The following AEBP2 variants were observed in gnomAD, a reference collection of about 807,000 sequenced individuals.
AEBP2 encodes the protein AE binding protein 2.
Under a neutral mutation model 50.8 loss-of-function variants are expected in AEBP2, and 10 were observed. The observed-to-expected ratio is 0.20, with a 90% CI of 0.12 to 0.33. The LOEUF (loss-of-function observed/expected upper bound fraction) is 0.33. Among genes scored for constraint, AEBP2 ranks in the 10% least tolerant of loss-of-function variants. The pLI, the probability that AEBP2 is intolerant of heterozygous loss-of-function variation, is 1.00. For missense variants in AEBP2, 570 were observed against 688.0 expected, an observed-to-expected ratio of 0.83 and a Z score of 1.92; for synonymous variants, 296 against 261.3, an observed-to-expected ratio of 1.13 and a Z score of -1.28.
intron 3 of AEBP2, among the ~76,000 whole-genome samples, chr12:19,477,486 GT>G (rs1948666067): frequency 6.6e-6 from 1 of 152,036 alleles, no homozygotes; most frequent in Non-Finnish European, 1.5e-5. Context: ...TTTGTTGAGG[GT>G]TTTAATCATA....
intron 5 of AEBP2, among the ~76,000 whole-genome samples, chr12:19,508,295 A>C (rs914412494): frequency 2.0e-5 from 3 of 152,208 alleles, no homozygotes; most frequent in Admixed American, 6.5e-5. Context: ...TCCTGGGCTC[A>C]AGCAGTCCTC....
chr12:19,437,898 G>A (rs1436448251), upstream of AEBP2, among the ~76,000 whole-genome samples: 1 of 152,122 alleles, frequency 6.6e-6, no homozygotes, highest in African/African-American at 2.4e-5. Flanking sequence ...TTTCCCAAAT[G>A]GGAAATGAGC....
chr12:19,486,552 A>T (rs1286703720), intron 3 of AEBP2, among the ~76,000 whole-genome samples: 1 of 151,988 alleles, frequency 6.6e-6, no homozygotes, highest in Non-Finnish European at 1.5e-5. Flanking sequence ...TACCACGTCC[A>T]GCTAATTTTT....
At chr12:19,476,097 T>A (rs556827300) in intron 3 of AEBP2, among the ~76,000 whole-genome samples, 2 of 152,218 alleles carry the variant, frequency 1.3e-5, no homozygotes, top group African/African-American at 4.8e-5. Context: ...GTTGTTCTTA[T>A]TGCATTTGCT....
chr12:19,446,251 T>G (rs1948063665), intron 1 of AEBP2, among the ~76,000 whole-genome samples: 1 of 152,228 alleles, frequency 6.6e-6, no homozygotes, highest in Non-Finnish European at 1.5e-5. Flanking sequence ...ATACTTTGTT[T>G]TTAAAGAGCA....
intron 1 of AEBP2, among the ~76,000 whole-genome samples, chr12:19,430,115 A>T (rs1286258189): frequency 6.6e-6 from 1 of 152,072 alleles, no homozygotes; most frequent in African/African-American, 2.4e-5. Context: ...TTTAGGTCTA[A>T]CATTTAAGTC....
intron 1 of AEBP2, among the ~76,000 whole-genome samples, chr12:19,406,803 G>C (rs1489597506): frequency 6.6e-6 from 1 of 152,064 alleles, no homozygotes; most frequent in African/African-American, 2.4e-5. Context: ...TTTCTCCTAT[G>C]TTATCTTCTG....
intron 1 of AEBP2, among the ~76,000 whole-genome samples, chr12:19,428,233 C>T (rs1348799453): frequency 6.6e-6 from 1 of 152,088 alleles, no homozygotes; most frequent in Non-Finnish European, 1.5e-5. Flanking sequence ...AAGACCCTGT[C>T]TCAAAAAAAT....
At chr12:19,494,292 T>C (rs966131324) in intron 4 of AEBP2, among the ~76,000 whole-genome samples, 3 of 152,074 alleles carry the variant, frequency 2.0e-5, no homozygotes, top group African/African-American at 2.4e-5. Context: ...AATTTGAACA[T>C]GTTAAAAGTA....
intron 1 of AEBP2, among the ~76,000 whole-genome samples, chr12:19,461,603 G>A (rs1342287759): frequency 6.6e-6 from 1 of 151,960 alleles, no homozygotes; most frequent in Non-Finnish European, 1.5e-5. Flanking sequence ...TCCGCCTCCT[G>A]GGTTCAAGAG....
chr12:19,452,231 G>C (rs554117904), intron 1 of AEBP2, among the ~76,000 whole-genome samples: 3 of 152,304 alleles, frequency 2.0e-5, no homozygotes, highest in African/African-American at 7.2e-5. Context: ...GGATTCAAGT[G>C]ATGTGTCTGC....
At position 19,510,865 on chromosome 12, in the gene AEBP2, C is replaced by CTTTTTTTTTTTTTTTTT. The variant is rs58870259; in HGVS notation, c.1300-1532_1300-1516dup. 9.0e-5 allele frequency among the ~76,000 whole-genome samples: 8 copies of CTTTTTTTTTTTTTTTTT among 89,028 alleles called. 2 individuals are homozygous for CTTTTTTTTTTTTTTTTT. The highest frequency in any genetic ancestry group is 2.8e-4 in the Admixed American group (2 of 7,022). The allele number at this position is 89,028 out of a possible 152,430, so 58.4% of individuals were successfully genotyped here. On this transcript the variant is annotated intron_variant, in intron 5 of 7. Coordinates refer to ENST00000266508, the MANE Select transcript of AEBP2 (RefSeq NM_153207.5). ...AGTACATCGCTTTTTAAGGTAGTGA[C>CTTTTTTTTTTTTTTTTT]TTTTTTTTTTTTTTTTTGAGGTGGG...
intron 1 of AEBP2, among the ~76,000 whole-genome samples, chr12:19,449,928 A>G (rs1360890638): frequency 6.6e-6 from 1 of 152,206 alleles, no homozygotes; most frequent in African/African-American, 2.4e-5. Context: ...GTGGCTACAA[A>G]TTAACTGGAT....
At chr12:19,408,481 G>A (rs1328437266) in intron 1 of AEBP2, among the ~76,000 whole-genome samples, 1 of 151,196 alleles carries the variant, frequency 6.6e-6, no homozygotes, top group African/African-American at 2.4e-5. Context: ...CCCAGGAGGT[G>A]GAAGTTGCGG....
intron 6 of AEBP2, among the ~76,000 whole-genome samples, chr12:19,514,428 T>A (rs988873587): frequency 6.6e-6 from 1 of 152,216 alleles, no homozygotes; most frequent in African/African-American, 2.4e-5. Flanking sequence ...TGATAAGATA[T>A]TGCCACTGAA....
intron 2 of AEBP2, chr12:19,466,904 T>A: frequency 1.4e-6 from 1 of 710,710 alleles, no homozygotes; most frequent in Non-Finnish European, 1.7e-6. Flanking sequence ...CTCATTCCAC[T>A]ATAATCTTTG....
intron 1 of AEBP2, among the ~76,000 whole-genome samples, chr12:19,419,704 CAG>C (rs1217079497): frequency 6.6e-6 from 1 of 152,088 alleles, no homozygotes; most frequent in Non-Finnish European, 1.5e-5. Context: ...CCGAAGCGGG[CAG>C]ATAGACTGAA....
At chr12:19,494,235 A>G (rs892892054) in intron 4 of AEBP2, among the ~76,000 whole-genome samples, 51 of 152,224 alleles carry the variant, frequency 3.4e-4, no homozygotes, top group African/African-American at 1.2e-3. Context: ...CTTCCAAAAT[A>G]ACATTTAAAA....
intron 1 of AEBP2, among the ~76,000 whole-genome samples, chr12:19,425,074 T>C (rs1461938393): frequency 1.3e-5 from 2 of 152,158 alleles, no homozygotes; most frequent in Non-Finnish European, 2.9e-5. Context: ...TTTATTTTTC[T>C]CTGTCATGTA....
Sources: allele counts gnomAD v4.1 joint callset (sites outside exome capture counted in the v4.1 genomes callset), GRCh38; gene constraint gnomAD v4.1.1; transcripts MANE v1.5; gene names NCBI Gene and HGNC (gene_info 2026-07-23, HGNC 2026-07-21).